The following ME1 variants were observed in gnomAD, a reference collection of about 807,000 sequenced individuals.
ME1 encodes NADP-dependent malic enzyme.
Under a neutral mutation model 66.4 loss-of-function variants are expected in ME1, and 74 were observed. That is an observed-to-expected ratio of 1.11 (90% CI 0.92 to 1.35). The LOEUF (loss-of-function observed/expected upper bound fraction) is 1.35, where lower values mean the gene tolerates loss of function less well. ME1 is among the 40% of genes most tolerant of loss of function. The probability of loss-of-function intolerance (pLI) is 0.00; values close to 1 mark genes in which losing one functional copy is unlikely to be tolerated. For synonymous variants in ME1, 251 were observed against 235.6 expected (o/e 1.07, Z -0.60); for missense variants, 750 against 694.1 (o/e 1.08, Z -0.90).
intron 5 of ME1, among the ~76,000 whole-genome samples, chr6:83,321,511 TCA>T (rs1180708263): frequency 6.6e-6 from 1 of 151,974 alleles, no homozygotes; most frequent in Non-Finnish European, 1.5e-5. Context: ...AGTTTTCCCC[TCA>T]CAGTGTAAAT....
intron 6 of ME1, among the ~76,000 whole-genome samples, chr6:83,279,677 A>G (rs1014495455): frequency 3.9e-5 from 6 of 152,202 alleles, no homozygotes; most frequent in Non-Finnish European, 8.8e-5. Flanking sequence ...AAATAATCAC[A>G]ATGAGAATAC....
At chr6:83,237,304 A>G (rs59884015) in intron 9 of ME1, among the ~76,000 whole-genome samples, 1,297 of 60,860 alleles carry the variant, frequency 0.021, 61 homozygotes, top group Middle Eastern at 0.049. Flanking sequence ...AAGAAAGAAA[A>G]AGAAAGAAAG....
At chr6:83,300,645 G>A in intron 6 of ME1, among the ~76,000 whole-genome samples, 2 of 96,182 alleles carry the variant, frequency 2.1e-5, no homozygotes, top group Middle Eastern at 0.014. Context: ...AGATGGAGTT[G>A]TGCAGGATCT....
chr6:83,430,060 A>G (rs1225720746), intron 1 of ME1, among the ~76,000 whole-genome samples: 1 of 152,214 alleles, frequency 6.6e-6, no homozygotes, highest in Non-Finnish European at 1.5e-5. Context: ...CCAGTGAAGG[A>G]AAATGAAATG....
chr6:83,407,023 T>A (rs1403804978), intron 2 of ME1, among the ~76,000 whole-genome samples: 6 of 148,944 alleles, frequency 4.0e-5, no homozygotes, highest in Non-Finnish European at 7.4e-5. Context: ...GCTCTGCTTC[T>A]TCGGAGAACC....
At chr6:83,265,576 C>A (rs1427222350) in intron 6 of ME1, among the ~76,000 whole-genome samples, 1 of 152,182 alleles carries the variant, frequency 6.6e-6, no homozygotes, top group Non-Finnish European at 1.5e-5. Flanking sequence ...GCTGGGATTA[C>A]AGGTATGAGT....
chr6:83,419,550 C>G (rs1292336689), intron 1 of ME1, among the ~76,000 whole-genome samples: 1 of 152,178 alleles, frequency 6.6e-6, no homozygotes, highest in Non-Finnish European at 1.5e-5. Context: ...ATAATGAAAA[C>G]ACTGGTCACT....
intron 5 of ME1, among the ~76,000 whole-genome samples, chr6:83,331,559 C>T (rs981586708): frequency 4.3e-4 from 64 of 147,868 alleles, no homozygotes; most frequent in African/African-American, 1.4e-3. Flanking sequence ...GCACTCCAGC[C>T]TGGGCAACAG....
chr6:83,357,782 C>T (rs561027767), intron 3 of ME1, among the ~76,000 whole-genome samples: 1 of 151,474 alleles, frequency 6.6e-6, no homozygotes, highest in African/African-American at 2.4e-5. Flanking sequence ...TTCCTTCCCT[C>T]GAACATCGAA....
At chr6:83,212,565 C>T (rs1386005087) in intron 13 of ME1, among the ~76,000 whole-genome samples, 1 of 152,192 alleles carries the variant, frequency 6.6e-6, no homozygotes, top group Non-Finnish European at 1.5e-5. Flanking sequence ...TCAGGATGAG[C>T]ACTCTTTGCC....
intron 6 of ME1, among the ~76,000 whole-genome samples, chr6:83,288,563 T>C (rs1034582390): frequency 3.9e-5 from 6 of 152,174 alleles, no homozygotes; most frequent in African/African-American, 9.7e-5. Flanking sequence ...TGTAGCCTTG[T>C]AGTAAAGTTT....
chr6:83,296,304 CA>C (rs1562472827), intron 6 of ME1, among the ~76,000 whole-genome samples: 1 of 152,164 alleles, frequency 6.6e-6, no homozygotes, highest in Non-Finnish European at 1.5e-5. Flanking sequence ...AGCAGCACAT[CA>C]AAAAGTTACT....
Position 83,346,054 on chromosome 6 carries a change from GA to G in ME1, c.600+118del, listed in dbSNP as rs978469771. ...CAACAGTAAAGGGCAGATTTGGAGA[GA>G]GAAAGAGAACCAGACAAAAAAGAAT... On this transcript the variant is annotated intron_variant, in intron 5 of 13. Coordinates refer to ENST00000369705, the MANE Select transcript of ME1 (RefSeq NM_002395.6). The G allele has an allele frequency of 3.8e-6, 3 of 779,624 alleles. No individual in the cohort carries two copies. In the African/African-American group the frequency reaches 5.3e-5, roughly 14 times the overall value. The allele number at this position is 779,624 out of a possible 1,614,324, so 48.3% of individuals were successfully genotyped here.
intron 2 of ME1, among the ~76,000 whole-genome samples, chr6:83,404,273 T>G (rs1769892892): frequency 6.6e-6 from 1 of 152,202 alleles, no homozygotes; most frequent in East Asian, 1.9e-4. Flanking sequence ...TGAGTTTTTT[T>G]TCATGATTTT....
chr6:83,237,622 T>C (rs910560577), intron 9 of ME1, 95 bp downstream of exon 9: 17 of 616,772 alleles, frequency 2.8e-5, no homozygotes, highest in Non-Finnish European at 4.3e-5. Context: ...TTTAATATAG[T>C]GTAAAGGGAG....
At chr6:83,397,002 A>G (rs146599449) in intron 3 of ME1, among the ~76,000 whole-genome samples, 15 of 152,348 alleles carry the variant, frequency 9.8e-5, no homozygotes, top group Non-Finnish European at 1.9e-4. Context: ...ATAGGTAAAG[A>G]AAAATGTAAG....
intron 6 of ME1, among the ~76,000 whole-genome samples, chr6:83,291,026 A>G (rs1266979686): frequency 6.6e-6 from 1 of 152,042 alleles, no homozygotes; most frequent in Non-Finnish European, 1.5e-5. Flanking sequence ...TGCACGTGAG[A>G]TGAGTCTCCT....
At chr6:83,237,291 G>A (rs372468714) in intron 9 of ME1, among the ~76,000 whole-genome samples, 1,077 of 42,714 alleles carry the variant, frequency 0.025, 67 homozygotes, top group African/African-American at 0.061. Context: ...AAGGAAGGAA[G>A]GAAAGAAAGA....
At chr6:83,255,368 T>G (rs1766747180) in intron 6 of ME1, among the ~76,000 whole-genome samples, 1 of 152,004 alleles carries the variant, frequency 6.6e-6, no homozygotes, top group South Asian at 2.1e-4. Context: ...GTGCCATTAA[T>G]TATTTAGACA....
Sources: gnomAD v4.1 joint callset for allele counts (sites outside exome capture counted in the v4.1 genomes callset) on GRCh38, gnomAD v4.1.1 for gene constraint, MANE v1.5 for transcripts, NCBI Gene and HGNC (gene_info 2026-07-23, HGNC 2026-07-21) for gene names.